ITPR2: variants seen among roughly 807,000 people sequenced by gnomAD.
ITPR2 encodes the protein inositol 1,4,5-trisphosphate receptor type 2.
A neutral mutation model predicts 317.1 loss-of-function variants in ITPR2; 207 were observed. The observed-to-expected ratio is 0.65, with a 90% confidence interval of 0.58 to 0.73. The LOEUF is 0.73. Among genes scored for constraint, ITPR2 ranks in the 30% least tolerant of loss-of-function variants. The probability of loss-of-function intolerance (pLI) is 0.00; values close to 1 mark genes in which losing one functional copy is unlikely to be tolerated. For synonymous variants in ITPR2, 1,156 were observed against 1,149.1 expected (o/e 1.01, Z -0.12); for missense variants, 2,613 against 3,284.0 (o/e 0.80, Z 4.99).
chr12:26,511,866 C>T (rs989354630), intron 37 of ITPR2, among the ~76,000 whole-genome samples: 1 of 152,144 alleles, frequency 6.6e-6, no homozygotes, highest in Non-Finnish European at 1.5e-5. Context: ...CCACCATTTT[C>T]GCCCTCAGGC....
chr12:26,802,544 G>GAGATATATATATATCTATATATAGATAT (rs1565777423), intron 1 of ITPR2, among the ~76,000 whole-genome samples: 4 of 136,042 alleles, frequency 2.9e-5, no homozygotes, highest in African/African-American at 1.1e-4. Flanking sequence ...AACTGCAGAG[G>GAGATATATATATATCTATATATAGATAT]AGATATATAT....
chr12:26,405,247 T>C (rs1335969340), intron 52 of ITPR2, among the ~76,000 whole-genome samples: 1 of 152,118 alleles, frequency 6.6e-6, no homozygotes, highest in Non-Finnish European at 1.5e-5. Context: ...TGTGGAGACA[T>C]TTAAAAGAAC....
intron 21 of ITPR2, among the ~76,000 whole-genome samples, chr12:26,650,916 T>C (rs1187598598): frequency 2.6e-5 from 4 of 152,202 alleles, no homozygotes; most frequent in Admixed American, 6.5e-5. Context: ...ATGTTGCTCA[T>C]AGATTTATTT....
At chr12:26,425,536 C>T (rs1421278768) in intron 49 of ITPR2, among the ~76,000 whole-genome samples, 1 of 151,934 alleles carries the variant, frequency 6.6e-6, no homozygotes, top group East Asian at 1.9e-4. Flanking sequence ...GGCATGGTGG[C>T]ACGCGCCCAT....
chr12:26,665,314 A>G (rs989790799), intron 14 of ITPR2, among the ~76,000 whole-genome samples: 18 of 152,196 alleles, frequency 1.2e-4, no homozygotes, highest in Admixed American at 1.0e-3. Flanking sequence ...TTTTTCCAAC[A>G]TATTTTCTGG....
intron 10 of ITPR2, among the ~76,000 whole-genome samples, chr12:26,694,670 G>A (rs1375766517): frequency 3.9e-5 from 6 of 152,176 alleles, no homozygotes; most frequent in African/African-American, 1.4e-4. Context: ...CCTGGTTACT[G>A]ACAGCATTTT....
intron 2 of ITPR2, among the ~76,000 whole-genome samples, chr12:26,732,799 T>C (rs951521006): frequency 1.3e-5 from 2 of 152,186 alleles, no homozygotes; most frequent in Non-Finnish European, 2.9e-5. Context: ...CTCAAGGCCA[T>C]TTAGAACAAA....
At chr12:26,673,099 G>A (rs1480293841) in intron 13 of ITPR2, among the ~76,000 whole-genome samples, 4 of 152,108 alleles carry the variant, frequency 2.6e-5, no homozygotes, top group Non-Finnish European at 2.9e-5. Context: ...ATTCACAGCC[G>A]AATTCTACCA....
chr12:26,365,799 C>CGTG (rs1938990432), intron 55 of ITPR2, among the ~76,000 whole-genome samples: 2 of 152,200 alleles, frequency 1.3e-5, no homozygotes, highest in Non-Finnish European at 2.9e-5. Context: ...AACACAAAAG[C>CGTG]CAATGAGCGT....
intron 48 of ITPR2, among the ~76,000 whole-genome samples, chr12:26,434,943 T>A (rs1941313547): frequency 6.6e-6 from 1 of 152,212 alleles, no homozygotes; most frequent in South Asian, 2.1e-4. Context: ...ATGAAGAGAA[T>A]GCCGTTTTTA....
At chr12:26,670,236 G>C (rs376191850) in intron 13 of ITPR2, among the ~76,000 whole-genome samples, 1 of 152,220 alleles carries the variant, frequency 6.6e-6, no homozygotes, top group Non-Finnish European at 1.5e-5. Flanking sequence ...AGAACGGGCA[G>C]ACTGCCTCCT....
At chr12:26,714,322 T>C (rs1441872913) in intron 8 of ITPR2, among the ~76,000 whole-genome samples, 1 of 152,154 alleles carries the variant, frequency 6.6e-6, no homozygotes. Context: ...CACATTTACC[T>C]TTGCTTTTTC....
chr12:26,448,197 C>T (rs1274683782), intron 45 of ITPR2, among the ~76,000 whole-genome samples: 1 of 151,996 alleles, frequency 6.6e-6, no homozygotes, highest in Non-Finnish European at 1.5e-5. Context: ...TCAAGGACAG[C>T]CGTCTTACGA....
At chr12:26,782,029 TATATGTATAGAGAGAGAGAG>T (rs1950100188) in intron 2 of ITPR2, among the ~76,000 whole-genome samples, 3 of 24,124 alleles carry the variant, frequency 1.2e-4, no homozygotes, top group Admixed American at 1.0e-3. Context: ...TATATATATA[TATATGTATAGAGAGAGAGAG>T]AGAGAGAGAG....
chr12:26,376,047 G>A (rs928110088), intron 55 of ITPR2, among the ~76,000 whole-genome samples: 1 of 152,208 alleles, frequency 6.6e-6, no homozygotes, highest in Non-Finnish European at 1.5e-5. Flanking sequence ...GCTGCAGTGA[G>A]CCAGGATCAT....
At chr12:26,451,348 G>A (rs1303423455) in intron 45 of ITPR2, among the ~76,000 whole-genome samples, 1 of 137,404 alleles carries the variant, frequency 7.3e-6, no homozygotes, top group Non-Finnish European at 1.5e-5. Flanking sequence ...GAGATCTCAA[G>A]ACAGCTTTCT....
intron 2 of ITPR2, among the ~76,000 whole-genome samples, chr12:26,728,338 T>C (rs7313538): frequency 0.16 from 24,575 of 152,034 alleles, 2,753 homozygotes; most frequent in Non-Finnish European, 0.24. Flanking sequence ...TAAGTGAAAA[T>C]AGCCAAATGA....
At position 26,336,301 on chromosome 12, in the gene ITPR2, C is replaced by T. The variant is rs916222037; in HGVS notation, c.*3096G>A. On this transcript the variant is annotated 3_prime_UTR_variant, in exon 57 of 57. Transcript: ENST00000381340. The stretch of plus-strand genomic sequence containing the variant: ...TACTGCCTTGCTGTTTGCAATGAAA[C>T]AATTGTAAAATAAAGAGAGCAGCCA... Among the ~76,000 whole-genome samples, 3 of 152,020 alleles carry T rather than the reference C, an allele frequency of 2.0e-5. No homozygotes were observed. Among genetic ancestry groups the T allele is most frequent in the African/African-American group, 7.3e-5 (3 of 41,378 alleles).
At chr12:26,668,843 G>A (rs1947686086) in intron 13 of ITPR2, among the ~76,000 whole-genome samples, 1 of 152,108 alleles carries the variant, frequency 6.6e-6, no homozygotes, top group African/African-American at 2.4e-5. Flanking sequence ...ATTATAGGCT[G>A]AGCACAGTGG....
Sources: gnomAD v4.1 joint callset for allele counts (sites outside exome capture counted in the v4.1 genomes callset) on GRCh38, gnomAD v4.1.1 for gene constraint, MANE v1.5 for transcripts, NCBI Gene and HGNC (gene_info 2026-07-23, HGNC 2026-07-21) for gene names.